EPM2A: variants seen among roughly 807,000 people sequenced by gnomAD.
The protein encoded by EPM2A is laforin.
EPM2A carries 21 observed loss-of-function variants against 26.5 expected under a neutral mutation model. That is an observed-to-expected ratio of 0.79 (90% CI 0.56 to 1.14). The LOEUF is 1.14. Ranked by LOEUF, EPM2A falls within the 50% of genes most tolerant of loss-of-function variation. EPM2A has a pLI of 0.00. For synonymous variants in EPM2A, 217 were observed against 177.6 expected, an observed-to-expected ratio of 1.22 and a Z score of -1.76; for missense variants, 458 against 440.8, an observed-to-expected ratio of 1.04 and a Z score of -0.35.
chr6:145,715,294 G>A (rs1426129301), intron 1 of EPM2A, among the ~76,000 whole-genome samples: 2 of 152,032 alleles, frequency 1.3e-5, no homozygotes, highest in Admixed American at 6.6e-5. Flanking sequence ...CTCATACACA[G>A]GTACACTCAC....
intron 1 of EPM2A, among the ~76,000 whole-genome samples, chr6:145,710,136 G>C (rs1297180542): frequency 1.3e-5 from 2 of 152,008 alleles, no homozygotes; most frequent in Non-Finnish European, 2.9e-5. Flanking sequence ...TTAAACTAAA[G>C]AGCTTCTGCA....
At chr6:145,427,698 T>A (rs1778869597) in intron 4 of EPM2A, among the ~76,000 whole-genome samples, 1 of 152,166 alleles carries the variant, frequency 6.6e-6, no homozygotes, top group South Asian at 2.1e-4. Flanking sequence ...AAAATGATGA[T>A]GGCCCTTACT....
chr6:145,627,836 G>C, intron 3 of EPM2A, 143 bp from the exon 4 acceptor site: 1 of 1,209,534 alleles, frequency 8.3e-7, no homozygotes, highest in Non-Finnish European at 1.1e-6. Flanking sequence ...TCTGCATTGT[G>C]AAGGAAAAAG....
At chr6:145,392,595 G>T (rs141542851) in intron 4 of EPM2A, among the ~76,000 whole-genome samples, 4 of 152,092 alleles carry the variant, frequency 2.6e-5, no homozygotes, top group Admixed American at 6.6e-5. Context: ...ATTACAGGGG[G>T]CCACCAGGCA....
At chr6:145,547,154 T>C (rs1780592666) in intron 2 of EPM2A, among the ~76,000 whole-genome samples, 4 of 152,106 alleles carry the variant, frequency 2.6e-5, no homozygotes, top group East Asian at 1.9e-4. Context: ...CAACTTTCTA[T>C]CAAAATTCAC....
intron 2 of EPM2A, among the ~76,000 whole-genome samples, chr6:145,574,384 C>A (rs1582866664): frequency 6.6e-6 from 1 of 152,172 alleles, no homozygotes; most frequent in Non-Finnish European, 1.5e-5. Context: ...CCCACCTTGC[C>A]TTTGACAGTT....
intron 1 of EPM2A, among the ~76,000 whole-genome samples, chr6:145,725,901 C>T (rs184295327): frequency 6.6e-6 from 1 of 152,018 alleles, no homozygotes; most frequent in African/African-American, 2.4e-5. Context: ...AATATATTTC[C>T]CATATATATA....
intron 2 of EPM2A, among the ~76,000 whole-genome samples, chr6:145,568,229 T>C (rs1780909685): frequency 6.6e-6 from 1 of 152,196 alleles, no homozygotes; most frequent in Admixed American, 6.5e-5. Context: ...TGAAACTCTC[T>C]GTTTCAAGTG....
downstream of EPM2A, among the ~76,000 whole-genome samples, chr6:145,496,676 A>G (rs987392792): frequency 4.0e-5 from 6 of 151,264 alleles, no homozygotes; most frequent in African/African-American, 1.5e-4. Flanking sequence ...CAGCTCTATC[A>G]GATGGGTTAC....
intron 2 of EPM2A, among the ~76,000 whole-genome samples, chr6:145,676,804 A>C (rs756457634): frequency 6.6e-6 from 1 of 152,188 alleles, no homozygotes; most frequent in Non-Finnish European, 1.5e-5. Context: ...ACCAACCAAA[A>C]AATATCCAGG....
chr6:145,718,576 A>G (rs1174622939), intron 1 of EPM2A, among the ~76,000 whole-genome samples: 1 of 152,188 alleles, frequency 6.6e-6, no homozygotes, highest in Non-Finnish European at 1.5e-5. Context: ...CTTCATCTCT[A>G]AAACACCAAA....
chr6:145,681,093 G>A (rs1240521158), intron 2 of EPM2A, among the ~76,000 whole-genome samples: 1 of 152,312 alleles, frequency 6.6e-6, no homozygotes, highest in Admixed American at 6.5e-5. Context: ...TCTAACTGGT[G>A]TGAGATGGTA....
intron 1 of EPM2A, among the ~76,000 whole-genome samples, chr6:145,732,236 T>TGCGC (rs1554269057): frequency 2.6e-4 from 34 of 132,222 alleles, no homozygotes; most frequent in South Asian, 1.6e-3. Context: ...TGTGTGTGTG[T>TGCGC]GCGCGCCAAA....
chr6:145,450,270 A>G (rs1384726388), intron 4 of EPM2A, among the ~76,000 whole-genome samples: 1 of 148,658 alleles, frequency 6.7e-6, no homozygotes, highest in Non-Finnish European at 1.5e-5. Context: ...GGAGAATGAC[A>G]TGAACCTGGG....
In EPM2A at chr6:145,627,708, G is replaced by A. The variant is rs764974085; in HGVS notation, c.719-15C>T. The A allele has an allele frequency of 1.2e-6, 2 of 1,613,312 alleles. No homozygotes were observed. The highest frequency in any genetic ancestry group is 3.3e-5 in the Admixed American group (2 of 59,980). On this transcript the variant is annotated splice_polypyrimidine_tract_variant and intron_variant, in intron 3 of 3. Coordinates refer to ENST00000367519, the MANE Select transcript of EPM2A (RefSeq NM_005670.4). ...CTGTACTCGGCCTGCGGTGGGGAAA[G>A]CACAGCACACATGTGAATAACTAAA...
At chr6:145,607,976 ACT>A (rs1775302523) in intron 2 of EPM2A, among the ~76,000 whole-genome samples, 1 of 152,024 alleles carries the variant, frequency 6.6e-6, no homozygotes, top group Admixed American at 6.6e-5. Flanking sequence ...TGTCCTTAAC[ACT>A]CTGTCACTGA....
At chr6:145,386,474 A>T (rs1488181945) in intron 4 of EPM2A, among the ~76,000 whole-genome samples, 1 of 152,158 alleles carries the variant, frequency 6.6e-6, no homozygotes, top group African/African-American at 2.4e-5. Flanking sequence ...GAGCTTTGAA[A>T]TTAAGAGTTT....
intron 1 of EPM2A, among the ~76,000 whole-genome samples, chr6:145,717,147 G>A (rs1031306497): frequency 8.6e-5 from 13 of 151,946 alleles, no homozygotes; most frequent in South Asian, 8.3e-4. Flanking sequence ...TACCAAAGCC[G>A]GGCAGAGACA....
chr6:145,541,038 C>G (rs1156929086), intron 2 of EPM2A, among the ~76,000 whole-genome samples: 1 of 152,098 alleles, frequency 6.6e-6, no homozygotes, highest in African/African-American at 2.4e-5. Context: ...CACATGCACA[C>G]ACATACATGC....
Sources: allele counts gnomAD v4.1 joint callset (sites outside exome capture counted in the v4.1 genomes callset), GRCh38; gene constraint gnomAD v4.1.1; transcripts MANE v1.5; gene names NCBI Gene and HGNC (gene_info 2026-07-23, HGNC 2026-07-21).